Variants in WBP1L observed in about 807,000 individuals in gnomAD.
WBP1L encodes WW domain binding protein 1-like.
In WBP1L, 17 loss-of-function variants were observed where a neutral mutation model predicts 33.7. That is an observed-to-expected ratio of 0.50 (90% confidence interval 0.34 to 0.76). The LOEUF is 0.76. WBP1L is among the 30% of genes least tolerant of loss of function. The probability of loss-of-function intolerance (pLI) is 0.01; values close to 1 mark genes in which losing one functional copy is unlikely to be tolerated. For missense variants in WBP1L, 389 were observed against 469.4 expected (o/e 0.83, Z 1.58); for synonymous variants, 173 against 190.8 (o/e 0.91, Z 0.77).
Position 102,756,194 on chromosome 10 carries a change from C to T in WBP1L, c.90+12051C>T, listed in dbSNP as rs377655080. ...TTGGGAGGCCAAGGCGGGTGGATCA[C>T]GAGGTCAGGAGTTCGAGACCAGCCT... On this transcript the variant is annotated intron_variant, in intron 1 of 3. Coordinates refer to ENST00000448841, the MANE Select transcript of WBP1L (RefSeq NM_001083913.2). 7.9e-5 allele frequency among the ~76,000 whole-genome samples: 12 copies of T among 152,062 alleles called. No individual in the cohort carries two copies. The East Asian group carries it at 1.9e-3, about 24-fold the overall frequency.
intron 1 of WBP1L, among the ~76,000 whole-genome samples, chr10:102,759,711 A>G (rs1032274356): frequency 2.6e-5 from 4 of 152,132 alleles, no homozygotes; most frequent in African/African-American, 9.7e-5. Flanking sequence ...GCTGGGGAGT[A>G]AGCTATTCAC....
At chr10:102,807,934 C>T (rs573766597) in intron 2 of WBP1L, among the ~76,000 whole-genome samples, 15 of 151,640 alleles carry the variant, frequency 9.9e-5, no homozygotes, top group Admixed American at 2.0e-4. Flanking sequence ...TGGCCGGGCG[C>T]GGTGGCTCAC....
At chr10:102,750,852 A>G (rs1842918126) in intron 1 of WBP1L, among the ~76,000 whole-genome samples, 1 of 152,136 alleles carries the variant, frequency 6.6e-6, no homozygotes, top group African/African-American at 2.4e-5. Context: ...AGCCATTAGC[A>G]GTCACTTCCC....
intron 1 of WBP1L, among the ~76,000 whole-genome samples, chr10:102,782,574 T>C (rs1437029956): frequency 6.6e-6 from 1 of 152,132 alleles, no homozygotes; most frequent in Non-Finnish European, 1.5e-5. Context: ...GCTTCTTGAC[T>C]CTTATTTCTT....
chr10:102,800,062 C>T (rs558984238), intron 2 of WBP1L, among the ~76,000 whole-genome samples: 3 of 152,256 alleles, frequency 2.0e-5, no homozygotes, highest in East Asian at 3.9e-4. Flanking sequence ...TGAAGGAGGG[C>T]ACAGTCATTG....
chr10:102,750,412 C>T (rs1842913667), intron 1 of WBP1L, among the ~76,000 whole-genome samples: 2 of 151,716 alleles, frequency 1.3e-5, no homozygotes, highest in African/African-American at 2.4e-5. Flanking sequence ...GAAAAAAAAA[C>T]TTTATTGAGG....
chr10:102,791,819 C>G (rs1490051557), intron 1 of WBP1L, among the ~76,000 whole-genome samples: 3 of 152,184 alleles, frequency 2.0e-5, no homozygotes, highest in African/African-American at 7.2e-5. Context: ...GACGCTGTTG[C>G]CATTAGCCAG....
chr10:102,781,289 G>A (rs1467844369), intron 1 of WBP1L, among the ~76,000 whole-genome samples: 25 of 152,172 alleles, frequency 1.6e-4, no homozygotes, highest in Admixed American at 1.6e-3. Context: ...GGGAATTGCC[G>A]GCTTCCAATT....
At chr10:102,786,780 C>T (rs142446358) in intron 1 of WBP1L, among the ~76,000 whole-genome samples, 170 of 152,326 alleles carry the variant, frequency 1.1e-3, no homozygotes, top group Non-Finnish European at 1.7e-3. Context: ...ACCCCTGGGA[C>T]TCCCCTTTGG....
intron 1 of WBP1L, among the ~76,000 whole-genome samples, chr10:102,795,391 G>C (rs1178863097): frequency 6.6e-6 from 1 of 152,194 alleles, no homozygotes; most frequent in African/African-American, 2.4e-5. Context: ...AAAACTGTTT[G>C]AGGAACACTG....
At chr10:102,745,193 T>C (rs1842851534) in intron 1 of WBP1L, among the ~76,000 whole-genome samples, 1 of 152,234 alleles carries the variant, frequency 6.6e-6, no homozygotes, top group Non-Finnish European at 1.5e-5. Flanking sequence ...GAGCAGAAAC[T>C]GAGTGCCAGC....
intron 1 of WBP1L, among the ~76,000 whole-genome samples, chr10:102,757,240 G>T (rs780522695): frequency 2.0e-4 from 30 of 152,286 alleles, no homozygotes; most frequent in Non-Finnish European, 4.1e-4. Flanking sequence ...CCCCAGGCTG[G>T]TCTTGAATTC....
At chr10:102,754,836 C>T (rs141124638) in intron 1 of WBP1L, among the ~76,000 whole-genome samples, 425 of 152,036 alleles carry the variant, frequency 2.8e-3, no homozygotes, top group Admixed American at 6.9e-3. Flanking sequence ...TCCCAAGTAG[C>T]TAGGACTACA....
At chr10:102,797,361 C>T (rs1233985156) in intron 1 of WBP1L, among the ~76,000 whole-genome samples, 1 of 152,156 alleles carries the variant, frequency 6.6e-6, no homozygotes, top group Non-Finnish European at 1.5e-5. Context: ...CTGAGGTTAG[C>T]ACCGGAACAT....
intron 2 of WBP1L, among the ~76,000 whole-genome samples, chr10:102,807,239 A>G (rs922598684): frequency 6.6e-6 from 1 of 152,190 alleles, no homozygotes; most frequent in Non-Finnish European, 1.5e-5. Context: ...TAGTTGAGAA[A>G]AAAATATTCT....
Position 102,799,976 on chromosome 10 carries a change from T to C in WBP1L, c.193+1881T>C, listed in dbSNP as rs921654225. ...CGGGCTCATCTGCCTTTCTGAGGAA[T>C]TCCAGGAGCAGTCCAGTGCAGGAGA... On this transcript the variant is annotated intron_variant, in intron 2 of 3. Coordinates refer to ENST00000448841, the MANE Select transcript of WBP1L (RefSeq NM_001083913.2). 2.0e-5 allele frequency among the ~76,000 whole-genome samples: 3 copies of C among 152,234 alleles called. No homozygotes were observed. In the South Asian group the frequency reaches 6.2e-4, roughly 32 times the overall value.
chr10:102,755,059 C>G, intron 1 of WBP1L, among the ~76,000 whole-genome samples: 1 of 151,958 alleles, frequency 6.6e-6, no homozygotes, highest in East Asian at 2.0e-4. Context: ...AAGCCATTCT[C>G]CTGCCTCAGC....
At chr10:102,747,242 C>T (rs1038996636) in intron 1 of WBP1L, among the ~76,000 whole-genome samples, 4 of 151,830 alleles carry the variant, frequency 2.6e-5, no homozygotes, top group Admixed American at 2.6e-4. Context: ...CACCTGTAGT[C>T]TCAGCTACTC....
chr10:102,800,124 G>C (rs998612446), intron 2 of WBP1L, among the ~76,000 whole-genome samples: 1 of 152,172 alleles, frequency 6.6e-6, no homozygotes, highest in Non-Finnish European at 1.5e-5. Flanking sequence ...GACACACAGT[G>C]CCAAGCAGGT....
Sources: gnomAD v4.1 joint callset for allele counts (sites outside exome capture counted in the v4.1 genomes callset) on GRCh38, gnomAD v4.1.1 for gene constraint, MANE v1.5 for transcripts, NCBI Gene and HGNC (gene_info 2026-07-23, HGNC 2026-07-21) for gene names.